The following SEC14L1 variants were observed in gnomAD, a reference collection of about 807,000 sequenced individuals.
SEC14L1 encodes the protein SEC14 like lipid binding 1, also known as SEC14-like protein 1.
Under a neutral mutation model 85.3 loss-of-function variants are expected in SEC14L1, and 48 were observed. The observed-to-expected ratio is 0.56, with a 90% confidence interval of 0.45 to 0.72. SEC14L1 has a LOEUF of 0.72. Among genes scored for constraint, SEC14L1 ranks in the 30% least tolerant of loss-of-function variants. The probability of loss-of-function intolerance (pLI) is 0.00; values close to 1 mark genes in which losing one functional copy is unlikely to be tolerated. For missense variants in SEC14L1, 682 were observed against 921.4 expected, an observed-to-expected ratio of 0.74 and a Z score of 3.36; for synonymous variants, 391 against 355.5, an observed-to-expected ratio of 1.10 and a Z score of -1.12.
At chr17:77,187,372 C>G (rs554350432) in intron 3 of SEC14L1, among the ~76,000 whole-genome samples, 1 of 142,594 alleles carries the variant, frequency 7.0e-6, no homozygotes, top group Admixed American at 6.8e-5. Flanking sequence ...TACCCTATGC[C>G]CCCCCCCCAC....
chr17:77,200,765 G>T (rs2069921673), intron 9 of SEC14L1, 92 bp downstream of exon 9: 2 of 1,328,492 alleles, frequency 1.5e-6, no homozygotes, highest in African/African-American at 1.5e-5. Flanking sequence ...AGTTGAGTGG[G>T]GCCCCCTTGA....
chr17:77,136,559 T>A (rs1404897280), upstream of SEC14L1, among the ~76,000 whole-genome samples: 1 of 152,258 alleles, frequency 6.6e-6, no homozygotes, highest in African/African-American at 2.4e-5. Context: ...ACAGGCTACA[T>A]TTCCCAGCCT....
At chr17:77,191,090 C>T in intron 4 of SEC14L1, 91 bp from the exon 5 acceptor site, 1 of 1,503,764 alleles carries the variant, frequency 6.6e-7, no homozygotes, top group Non-Finnish European at 9.1e-7. Flanking sequence ...TCCTGGAGGG[C>T]AGCCCCCAGA....
intron 3 of SEC14L1, among the ~76,000 whole-genome samples, chr17:77,099,704 T>G (rs1405665068): frequency 6.6e-6 from 1 of 152,082 alleles, no homozygotes; most frequent in Non-Finnish European, 1.5e-5. Context: ...TGCAGTGAGC[T>G]GAGATCACCC....
chr17:77,200,562 C>CA lies in SEC14L1; in HGVS notation c.899dup (p.Ser301ValfsTer15). 6.2e-7 allele frequency: 1 copy of CA among 1,614,066 alleles called. No individual in the cohort carries two copies. The highest frequency in any genetic ancestry group is 8.5e-7 in the Non-Finnish European group (1 of 1,179,922). ...TGACAAAGCCAGAGAGATCATGTGT[C>CA]AGTCTTTGACGTGGAGAAAGCAGCA... is the stretch of plus-strand genomic sequence containing the variant. On this transcript the variant is annotated frameshift_variant, in exon 9 of 17. Transcript: ENST00000436233. LOFTEE classifies it high-confidence loss of function.
In SEC14L1 at chr17:77,118,965, T is replaced by C. The variant is rs998629289; in HGVS notation, c.-135-23681T>C. ...CCCAAGAAGCATCCCAAAAGCTTGCTTAACATCTCAGAAAACAAACCTCTG... is the reference window on the plus strand; with the variant it reads ...CCCAAGAAGCATCCCAAAAGCTTGCCTAACATCTCAGAAAACAAACCTCTG... On this transcript the variant is annotated intron_variant, in intron 3 of 19. Transcript: ENST00000392476. Among the ~76,000 whole-genome samples, 3 of 152,144 alleles carry C rather than the reference T, an allele frequency of 2.0e-5. No homozygotes were observed. The East Asian group carries it at 5.8e-4, about 29-fold the overall frequency.
chr17:77,096,679 CTG>C (rs1278313114), intron 3 of SEC14L1, among the ~76,000 whole-genome samples: 2 of 152,156 alleles, frequency 1.3e-5, no homozygotes, highest in African/African-American at 2.4e-5. Context: ...CAACACCAGA[CTG>C]TGTTCTCTGA....
intron 3 of SEC14L1, among the ~76,000 whole-genome samples, chr17:77,095,978 T>G (rs1971632515): frequency 6.6e-6 from 1 of 151,786 alleles, no homozygotes; most frequent in Non-Finnish European, 1.5e-5. Context: ...CTAGGAAGGT[T>G]TTGTGTGGCT....
Position 77,212,174 on chromosome 17 carries a change from G to C in SEC14L1, c.1836G>C (p.Leu612=), listed in dbSNP as rs1340146601. ...GRDYSMVESP[L]ICKEGESVQG... Reference sequence around the variant, plus strand: ...ACTACAGCATGGTGGAGTCGCCTCTGATCTGCAAAGAAGGAGAAAGCGTGC... The same window carrying C: ...ACTACAGCATGGTGGAGTCGCCTCTCATCTGCAAAGAAGGAGAAAGCGTGC... The change falls in exon 15 of 17, where the codon CTG becomes CTC. Residue 612 remains leucine, a synonymous_variant. Transcript: ENST00000436233. 6.2e-7 allele frequency: 1 copy of C among 1,613,926 alleles called. No individual in the cohort carries two copies. Among genetic ancestry groups the C allele is most frequent in the Admixed American group, 1.7e-5 (1 of 60,034 alleles).
intron 8 of SEC14L1, among the ~76,000 whole-genome samples, chr17:77,196,688 A>T (rs1461962264): frequency 1.3e-5 from 2 of 151,560 alleles, no homozygotes; most frequent in Admixed American, 1.3e-4. Context: ...TTTTAGCCTC[A>T]TAAAGGTGTA....
intron 3 of SEC14L1, among the ~76,000 whole-genome samples, chr17:77,114,026 C>T (rs1335634003): frequency 6.6e-6 from 1 of 152,194 alleles, no homozygotes; most frequent in Non-Finnish European, 1.5e-5. Context: ...CTTCTGGTCC[C>T]AGGAGAGAGA....
rs763526107 is a variant in SEC14L1, at chr17:77,191,233, G to A, written c.266G>A (p.Arg89Gln). The A allele has an allele frequency of 1.9e-5, 30 of 1,613,356 alleles. No individual in the cohort carries two copies. Among genetic ancestry groups the A allele is most frequent in the South Asian group, 1.3e-4 (12 of 91,050 alleles). Residue 89 changes from arginine to glutamine, a missense_variant, in exon 5 of 17, where the codon CGG (arginine) becomes CAG (glutamine). Arg to Gln is a conservative substitution (Grantham distance 43, BLOSUM62 1). Coordinates refer to ENST00000436233, the MANE Select transcript of SEC14L1 (RefSeq NM_001143998.2). ...YFVQKNSLNS[R>Q]ERTLHIEAYN... The stretch of plus-strand genomic sequence containing the variant: ...GTCCAGAAAAACTCACTGAATTCTC[G>A]GGAACGTACTTTGCACATTGAGGCT...
rs1287191294 is a variant in SEC14L1 at position 77,215,074 on chromosome 17, T to C, written c.*1051T>C. The C allele has an allele frequency of 2.2e-5, 22 of 985,156 alleles. No individual in the cohort carries two copies. The highest frequency in any genetic ancestry group is 2.3e-5 in the Non-Finnish European group (19 of 829,824). 61.0% of individuals were successfully genotyped at this position (985,156 alleles called of 1,614,324 possible). ...TTGTGGACTCATGCGTGTGTGTGTG[T>C]GCATGTGCTGTGTGTGTGCATGTGT... On this transcript the variant is annotated 3_prime_UTR_variant, in exon 17 of 17. Coordinates refer to ENST00000436233, the MANE Select transcript of SEC14L1 (RefSeq NM_001143998.2).
chr17:77,123,946 TA>T (rs1972370452), intron 3 of SEC14L1, among the ~76,000 whole-genome samples: 1 of 152,208 alleles, frequency 6.6e-6, no homozygotes, highest in Non-Finnish European at 1.5e-5. Context: ...TAAAAACATT[TA>T]AAAAATTATG....
upstream of SEC14L1, among the ~76,000 whole-genome samples, chr17:77,140,542 G>C (rs1232779580): frequency 2.0e-5 from 3 of 152,238 alleles, no homozygotes; most frequent in African/African-American, 4.8e-5. Context: ...AGCCATACGG[G>C]AGGGCCCCGG....
intron 3 of SEC14L1, among the ~76,000 whole-genome samples, chr17:77,117,958 G>A (rs903421573): frequency 3.3e-5 from 5 of 152,188 alleles, no homozygotes; most frequent in Admixed American, 6.5e-5. Context: ...AAGTTCTCTC[G>A]AACCTAGGAC....
At chr17:77,167,862 C>T (rs1974353475) in intron 3 of SEC14L1, among the ~76,000 whole-genome samples, 1 of 152,168 alleles carries the variant, frequency 6.6e-6, no homozygotes, top group Non-Finnish European at 1.5e-5. Context: ...AAGAGAAAAA[C>T]CAGTATTGAG....
intron 3 of SEC14L1, among the ~76,000 whole-genome samples, chr17:77,147,723 A>G (rs1973377173): frequency 6.6e-6 from 1 of 152,190 alleles, no homozygotes; most frequent in South Asian, 2.1e-4. Context: ...GCCACACACA[A>G]ACGAAAGCCT....
chr17:77,182,527 T>A (rs1396915895), intron 3 of SEC14L1, among the ~76,000 whole-genome samples: 1 of 152,214 alleles, frequency 6.6e-6, no homozygotes, highest in African/African-American at 2.4e-5. Context: ...AGCAAATGAT[T>A]ACAGTAGTTA....
Sources: gnomAD v4.1 joint callset for allele counts (sites outside exome capture counted in the v4.1 genomes callset) on GRCh38, gnomAD v4.1.1 for gene constraint, MANE v1.5 for transcripts, NCBI Gene and HGNC (gene_info 2026-07-23, HGNC 2026-07-21) for gene names.